KHDRBS2: variants seen among roughly 807,000 people sequenced by gnomAD.
KHDRBS2 encodes the protein KH RNA binding domain containing, signal transduction associated 2, also known as KH domain-containing, RNA-binding, signal transduction-associated protein 2.
KHDRBS2 carries 26 observed loss-of-function variants against 44.3 expected under a neutral mutation model. That is an observed-to-expected ratio of 0.59 (90% CI 0.43 to 0.81). KHDRBS2 has a LOEUF of 0.81. KHDRBS2 is among the 40% of genes least tolerant of loss of function. KHDRBS2 has a pLI of 0.00. For missense variants in KHDRBS2, 476 were observed against 433.1 expected, an observed-to-expected ratio of 1.10 and a Z score of -0.88; for synonymous variants, 194 against 151.1, an observed-to-expected ratio of 1.28 and a Z score of -2.08.
intron 1 of KHDRBS2, among the ~76,000 whole-genome samples, chr6:62,258,414 T>A (rs1250142002): frequency 1.3e-5 from 2 of 152,032 alleles, no homozygotes; most frequent in African/African-American, 4.8e-5. Flanking sequence ...ATTAATGGTA[T>A]GTCATACTTC....
intron 2 of KHDRBS2, among the ~76,000 whole-genome samples, chr6:62,105,042 G>A (rs559208926): frequency 2.6e-5 from 4 of 152,046 alleles, no homozygotes; most frequent in African/African-American, 7.2e-5. Context: ...AACAGAAAAC[G>A]TGGACAAATT....
chr6:61,947,913 AAATAATAATAAT>A lies in KHDRBS2; in HGVS notation c.483+30141_483+30152del, dbSNP rs56372678. Among the ~76,000 whole-genome samples the A allele has an allele frequency of 6.4e-3, 910 of 143,240 alleles. 5 individuals are homozygous for A. The highest frequency in any genetic ancestry group is 0.012 in the African/African-American group (455 of 38,464). 94.0% of individuals were successfully genotyped at this position (143,240 alleles called of 152,430 possible). A position where few individuals can be genotyped will look rare whatever the true frequency, so the allele number is the denominator to read the frequency against. On this transcript the variant is annotated intron_variant, in intron 4 of 8. Coordinates refer to ENST00000281156, the MANE Select transcript of KHDRBS2 (RefSeq NM_152688.4). ...ATGACAAAACCCCCACACACACACAAAATAATAATAATAATAATAATAATAATAATAATAATA... is the reference window on the plus strand; with the variant it reads ...ATGACAAAACCCCCACACACACACAAAATAATAATAATAATAATAATAATA...
intron 2 of KHDRBS2, among the ~76,000 whole-genome samples, chr6:62,132,721 G>A (rs1280909830): frequency 3.9e-5 from 6 of 152,062 alleles, no homozygotes; most frequent in Admixed American, 1.3e-4. Flanking sequence ...ATAAAACATG[G>A]CATTATTATT....
chr6:61,816,304 C>T (rs1016963305), intron 6 of KHDRBS2, among the ~76,000 whole-genome samples: 15 of 151,982 alleles, frequency 9.9e-5, no homozygotes, highest in African/African-American at 3.6e-4. Context: ...TAGATATAAT[C>T]AAATTTGGAT....
the KHDRBS2 span, among the ~76,000 whole-genome samples, chr6:61,563,815 G>C: frequency 6.6e-6 from 1 of 152,122 alleles, no homozygotes; most frequent in Non-Finnish European, 1.5e-5. Flanking sequence ...GAGAGGATAA[G>C]ATAGTTAAAC....
chr6:62,085,022 G>T (rs939361053), intron 2 of KHDRBS2, among the ~76,000 whole-genome samples: 1 of 151,918 alleles, frequency 6.6e-6, no homozygotes, highest in African/African-American at 2.4e-5. Flanking sequence ...ACAATAAAAT[G>T]GCACCATAAA....
chr6:61,657,179 T>G, the KHDRBS2 span, among the ~76,000 whole-genome samples: 5 of 152,006 alleles, frequency 3.3e-5, no homozygotes, highest in Non-Finnish European at 7.4e-5. Context: ...GTGGCTGTCA[T>G]CATTATCAAA....
chr6:61,955,702 A>ATG lies in KHDRBS2; in HGVS notation c.483+22363_483+22364insCA, dbSNP rs1449238656. Reference sequence around the variant, plus strand: ...TATGTATGTATACATATATGTGTATATATACACATATGTATGTATACATAT... The same window carrying ATG: ...TATGTATGTATACATATATGTGTATATGTATACACATATGTATGTATACATAT... On this transcript the variant is annotated intron_variant, in intron 4 of 8. Coordinates refer to ENST00000281156, the MANE Select transcript of KHDRBS2 (RefSeq NM_152688.4). 1.4e-3 allele frequency among the ~76,000 whole-genome samples: 158 copies of ATG among 114,646 alleles called. 17 individuals carry two copies. The highest frequency in any genetic ancestry group is 2.8e-3 in the Admixed American group (33 of 11,958). 75.2% of individuals were successfully genotyped at this position (114,646 alleles called of 152,430 possible).
chr6:61,771,592 G>A (rs1782366870), intron 6 of KHDRBS2, among the ~76,000 whole-genome samples: 1 of 152,102 alleles, frequency 6.6e-6, no homozygotes, highest in Non-Finnish European at 1.5e-5. Flanking sequence ...GACAAAGAAG[G>A]CCATTACATA....
At chr6:62,039,768 C>T (rs1029077120) in intron 3 of KHDRBS2, among the ~76,000 whole-genome samples, 1 of 152,072 alleles carries the variant, frequency 6.6e-6, no homozygotes, top group Non-Finnish European at 1.5e-5. Flanking sequence ...GAAATAAAAA[C>T]TCTTCCAGTC....
intron 1 of KHDRBS2, among the ~76,000 whole-genome samples, chr6:62,197,766 CA>C (rs1035601550): frequency 2.0e-5 from 3 of 152,178 alleles, no homozygotes; most frequent in Admixed American, 6.6e-5. Context: ...CTCTCTACCC[CA>C]AATCAACAGA....
At chr6:61,800,728 T>C (rs1487615360) in intron 6 of KHDRBS2, among the ~76,000 whole-genome samples, 1 of 152,120 alleles carries the variant, frequency 6.6e-6, no homozygotes, top group Non-Finnish European at 1.5e-5. Flanking sequence ...AGAATTGCAT[T>C]CCCATATCCT....
chr6:61,609,679 T>G, the KHDRBS2 span, among the ~76,000 whole-genome samples: 1 of 152,148 alleles, frequency 6.6e-6, no homozygotes, highest in African/African-American at 2.4e-5. Context: ...TAGAAAAGGG[T>G]TAATGAATTA....
At chr6:61,930,645 C>A (rs1440257784) in intron 4 of KHDRBS2, among the ~76,000 whole-genome samples, 1 of 145,214 alleles carries the variant, frequency 6.9e-6, no homozygotes, top group Admixed American at 6.9e-5. Context: ...TGCAGTGAGC[C>A]AAGATGGCGC....
rs149182495 is a variant in KHDRBS2, at chr6:61,952,696, G to C, written c.483+25370C>G. ...TCCACCTGGATATCATTACATACTT[G>C]AAATAGAACTATGAAGATTGCATGA... On this transcript the variant is annotated intron_variant, in intron 4 of 8. Transcript: ENST00000281156. Among the ~76,000 whole-genome samples, 188 of 152,090 alleles carry C rather than the reference G, an allele frequency of 1.2e-3. 1 individual carries two copies. The highest frequency in any genetic ancestry group is 4.4e-3 in the African/African-American group (183 of 41,528).
At chr6:61,824,556 T>C (rs1281835632) in intron 6 of KHDRBS2, among the ~76,000 whole-genome samples, 3 of 152,118 alleles carry the variant, frequency 2.0e-5, no homozygotes, top group Non-Finnish European at 4.4e-5. Context: ...AGCAGTGTAA[T>C]GGACTAAGAC....
chr6:61,761,500 A>G (rs1779262851), intron 6 of KHDRBS2, among the ~76,000 whole-genome samples: 1 of 152,188 alleles, frequency 6.6e-6, no homozygotes, highest in South Asian at 2.1e-4. Context: ...ATGTTCCTGA[A>G]TATTTACAAA....
chr6:61,556,872 ATTTTTTTTTTTTTTTT>A, the KHDRBS2 span, among the ~76,000 whole-genome samples: 9 of 87,502 alleles, frequency 1.0e-4, no homozygotes, highest in South Asian at 4.3e-4. Flanking sequence ...TGAAATTGAG[ATTTTTTTTTTTTTTTT>A]TTTTTTTTTT....
intron 2 of KHDRBS2, among the ~76,000 whole-genome samples, chr6:62,157,924 A>G (rs1816813888): frequency 6.6e-6 from 1 of 152,192 alleles, no homozygotes; most frequent in African/African-American, 2.4e-5. Context: ...GTGAGTTTCA[A>G]TAATTGAATT....
Sources: gnomAD v4.1 joint callset for allele counts (sites outside exome capture counted in the v4.1 genomes callset) on GRCh38, gnomAD v4.1.1 for gene constraint, MANE v1.5 for transcripts, NCBI Gene and HGNC (gene_info 2026-07-23, HGNC 2026-07-21) for gene names.